The following SCAI variants were observed in gnomAD, a reference collection of about 807,000 sequenced individuals.
SCAI encodes protein SCAI.
A neutral mutation model predicts 92.2 loss-of-function variants in SCAI; 24 were observed. The observed-to-expected ratio is 0.26, with a 90% CI of 0.19 to 0.37. The LOEUF (loss-of-function observed/expected upper bound fraction) is 0.37, where lower values mean the gene tolerates loss of function less well. Among genes scored for constraint, SCAI ranks in the 10% least tolerant of loss-of-function variants. SCAI has a pLI of 1.00. For synonymous variants in SCAI, 261 were observed against 258.6 expected (o/e 1.01, Z -0.09); for missense variants, 450 against 736.2 (o/e 0.61, Z 4.50).
rs1156811142 is a variant in SCAI at position 124,950,076 on chromosome 9, AT to A, written c.*2730del. 6.6e-6 allele frequency: 1 copy of A among 152,146 alleles called. No homozygotes were observed. Among genetic ancestry groups the A allele is most frequent in the Non-Finnish European group, 1.5e-5 (1 of 68,026 alleles). 9.4% of individuals were successfully genotyped at this position (152,146 alleles called of 1,614,324 possible). On this transcript the variant is annotated 3_prime_UTR_variant, in exon 18 of 18. Coordinates refer to ENST00000336505, the MANE Select transcript of SCAI (RefSeq NM_001144877.3). Reference sequence around the variant, plus strand: ...CATGTTTCTAATCATAAAAGCTCTAATTTCCTCAGGAGAGTCTCTGTCTGTA... The same window carrying A: ...CATGTTTCTAATCATAAAAGCTCTAATTCCTCAGGAGAGTCTCTGTCTGTA...
In SCAI at chr9:124,995,031, C is replaced by G. The variant is rs6478690; in HGVS notation, c.1245-16G>C. The G allele has an allele frequency of 1.3e-6, 2 of 1,586,510 alleles. No homozygotes were observed. Among genetic ancestry groups the G allele is most frequent in the Non-Finnish European group, 1.7e-6 (2 of 1,159,920 alleles). On this transcript the variant is annotated splice_polypyrimidine_tract_variant and intron_variant, in intron 13 of 17. Transcript: ENST00000336505. ...GGGATGAAGGCTGGGAAAACAACAA[C>G]GAAGAACTGTTAAACTGTGTCAGCC...
intron 2 of SCAI, among the ~76,000 whole-genome samples, chr9:125,079,857 C>T (rs187052216): frequency 4.3e-4 from 65 of 152,004 alleles, no homozygotes; most frequent in Non-Finnish European, 8.1e-4. Context: ...CATTTGATTA[C>T]GAAAGCAGGA....
Position 125,068,306 on chromosome 9 carries a change from A to G in SCAI, c.99-12299T>C, listed in dbSNP as rs565327908. Among the ~76,000 whole-genome samples, 81 of 150,776 alleles carry G rather than the reference A, an allele frequency of 5.4e-4. 1 individual carries two copies. Among genetic ancestry groups the G allele is most frequent in the Non-Finnish European group, 9.0e-4 (61 of 67,624 alleles). The stretch of plus-strand genomic sequence containing the variant: ...GCTTGAGGCTAGATGTTCAAGATCA[A>G]CCTGGGCAACAAAGCAAGACCCCAT... On this transcript the variant is annotated intron_variant, in intron 2 of 17. Transcript: ENST00000336505.
intron 2 of SCAI, among the ~76,000 whole-genome samples, chr9:125,058,783 G>C (rs13284861): frequency 0.28 from 42,029 of 152,078 alleles, 7,217 homozygotes; most frequent in Non-Finnish European, 0.38. Context: ...TTACAGCACA[G>C]GGGTAGAAAA....
At chr9:124,957,774 C>A (rs1477167966) in intron 17 of SCAI, among the ~76,000 whole-genome samples, 1 of 151,870 alleles carries the variant, frequency 6.6e-6, no homozygotes, top group South Asian at 2.1e-4. Flanking sequence ...CTCCGCCTCC[C>A]GGGATCAAGT....
chr9:125,067,939 A>G (rs1833905441), intron 2 of SCAI, among the ~76,000 whole-genome samples: 1 of 152,238 alleles, frequency 6.6e-6, no homozygotes, highest in Admixed American at 6.5e-5. Flanking sequence ...AGTTTGTGAC[A>G]AAGCAACAAG....
intron 4 of SCAI, 42 bp from the exon 5 acceptor site, chr9:125,028,520 A>T (rs768207133): frequency 8.9e-7 from 1 of 1,124,180 alleles, no homozygotes; most frequent in East Asian, 2.7e-5. Flanking sequence ...TGAGTCTATA[A>T]ATTCCAAAAC....
At chr9:125,116,147 T>C (rs1835042544) in intron 2 of SCAI, among the ~76,000 whole-genome samples, 1 of 152,130 alleles carries the variant, frequency 6.6e-6, no homozygotes, top group Non-Finnish European at 1.5e-5. Flanking sequence ...ATTGCACCAT[T>C]GCACTCCAGC....
Position 125,101,047 on chromosome 9 carries a change from AGACCCCAT to A in SCAI, c.98+41578_98+41585del, listed in dbSNP as rs544212499. Among the ~76,000 whole-genome samples the A allele has an allele frequency of 2.2e-4, 33 of 152,274 alleles. No homozygotes were observed. In the South Asian group the frequency reaches 6.4e-3, roughly 30 times the overall value. On this transcript the variant is annotated intron_variant, in intron 2 of 17. Coordinates refer to ENST00000336505, the MANE Select transcript of SCAI (RefSeq NM_001144877.3). ...TGAATCCAGCCTGGGCAACACAGTG[AGACCCCAT>A]CTCTTAACAACAACAACAACAACAA... is the stretch of plus-strand genomic sequence containing the variant.
At chr9:125,054,319 T>A (rs1440912963) in intron 3 of SCAI, among the ~76,000 whole-genome samples, 2 of 152,188 alleles carry the variant, frequency 1.3e-5, no homozygotes, top group Non-Finnish European at 2.9e-5. Context: ...CACACAGATA[T>A]GTGTTCCTAT....
intron 2 of SCAI, among the ~76,000 whole-genome samples, chr9:125,078,547 C>G (rs1834143379): frequency 6.6e-6 from 1 of 151,968 alleles, no homozygotes; most frequent in Admixed American, 6.6e-5. Flanking sequence ...CCAACATTAC[C>G]CACAAACACT....
chr9:125,006,931 C>T (rs1183517665), intron 9 of SCAI, among the ~76,000 whole-genome samples: 1 of 152,024 alleles, frequency 6.6e-6, no homozygotes, highest in Non-Finnish European at 1.5e-5. Context: ...CGAGCCTGGC[C>T]AACATGGTGA....
intron 3 of SCAI, among the ~76,000 whole-genome samples, chr9:125,040,649 C>T (rs1239318087): frequency 1.3e-5 from 2 of 151,858 alleles, no homozygotes; most frequent in Non-Finnish European, 2.9e-5. Context: ...TATTTAGAGA[C>T]AGAGTCTCAC....
At chr9:124,983,655 G>A (rs1385212988) in intron 14 of SCAI, among the ~76,000 whole-genome samples, 1 of 152,196 alleles carries the variant, frequency 6.6e-6, no homozygotes, top group Non-Finnish European at 1.5e-5. Flanking sequence ...GCCCGGCCTA[G>A]AGCTGAGTTG....
chr9:125,110,890 C>G (rs1382966164), intron 2 of SCAI, among the ~76,000 whole-genome samples: 1 of 152,182 alleles, frequency 6.6e-6, no homozygotes, highest in Non-Finnish European at 1.5e-5. Flanking sequence ...GAGGCCTCCC[C>G]AGAAGCAGAT....
chr9:125,067,044 C>A (rs181029387), intron 2 of SCAI, among the ~76,000 whole-genome samples: 3 of 152,208 alleles, frequency 2.0e-5, no homozygotes, highest in Non-Finnish European at 2.9e-5. Flanking sequence ...TTTCTCAGAA[C>A]ATATCCCTGT....
intron 2 of SCAI, among the ~76,000 whole-genome samples, chr9:125,108,753 C>G (rs561082495): frequency 0.019 from 2,824 of 151,232 alleles, 82 homozygotes; most frequent in African/African-American, 0.063. Flanking sequence ...CGTCTCCGCC[C>G]GGCAGCCGCC....
chr9:125,007,731 C>T (rs1206961205), intron 9 of SCAI, among the ~76,000 whole-genome samples: 1 of 151,878 alleles, frequency 6.6e-6, no homozygotes, highest in African/African-American at 2.4e-5. Context: ...AATCATGGCT[C>T]ACTGCAGCCT....
At chr9:125,016,920 C>T (rs1007340167) in intron 9 of SCAI, among the ~76,000 whole-genome samples, 4 of 151,994 alleles carry the variant, frequency 2.6e-5, no homozygotes, top group Non-Finnish European at 4.4e-5. Context: ...GGAACAGGGG[C>T]GTCTGGCATA....
Sources: gnomAD v4.1 joint callset for allele counts (sites outside exome capture counted in the v4.1 genomes callset) on GRCh38, gnomAD v4.1.1 for gene constraint, MANE v1.5 for transcripts, NCBI Gene and HGNC (gene_info 2026-07-23, HGNC 2026-07-21) for gene names.